The following AGBL4 variants were observed in gnomAD, a reference collection of about 807,000 sequenced individuals.
The protein encoded by AGBL4 is AGBL carboxypeptidase 4, also known as cytosolic carboxypeptidase 6.
Under a neutral mutation model 66.4 loss-of-function variants are expected in AGBL4, and 58 were observed. The ratio of observed to expected loss-of-function variants is 0.87; its 90% CI spans 0.71 to 1.09. The LOEUF (loss-of-function observed/expected upper bound fraction) is 1.09. AGBL4 is among the 50% of genes least tolerant of loss of function. The pLI is 0.00. For synonymous variants in AGBL4, 234 were observed against 222.9 expected, an observed-to-expected ratio of 1.05 and a Z score of -0.44; for missense variants, 579 against 631.0, an observed-to-expected ratio of 0.92 and a Z score of 0.88.
chr1:50,018,034 A>G (rs1257399678), intron 1 of AGBL4, among the ~76,000 whole-genome samples: 1 of 152,200 alleles, frequency 6.6e-6, no homozygotes, highest in East Asian at 1.9e-4. Context: ...AACTGTAATT[A>G]TTGGCAGGTT....
At chr1:48,791,535 A>C (rs1182960464) in intron 6 of AGBL4, among the ~76,000 whole-genome samples, 1 of 152,254 alleles carries the variant, frequency 6.6e-6, no homozygotes, top group African/African-American at 2.4e-5. Flanking sequence ...TAGCTGAGGT[A>C]GTCTGAACTT....
Position 49,045,574 on chromosome 1 carries a change from C to A in AGBL4, c.594+10G>T. 4 of 1,601,726 alleles carry A rather than the reference C, an allele frequency of 2.5e-6. No individual in the cohort carries two copies. In the Admixed American group the frequency reaches 5.1e-5, roughly 20 times the overall value. On this transcript the variant is annotated intron_variant, in intron 5 of 13. Coordinates refer to ENST00000371839, the MANE Select transcript of AGBL4 (RefSeq NM_032785.4). ...CCAAATGAGTAACCCAAACCTGGCA[C>A]AGGCCTTACCACACTCTGGCCCAGC...
chr1:48,809,640 A>G (rs1646005743), intron 6 of AGBL4, among the ~76,000 whole-genome samples: 1 of 152,264 alleles, frequency 6.6e-6, no homozygotes, highest in South Asian at 2.1e-4. Flanking sequence ...AGCAAACCAC[A>G]TGTGATTATT....
intron 1 of AGBL4, among the ~76,000 whole-genome samples, chr1:50,019,944 GA>G (rs1265715847): frequency 6.6e-6 from 1 of 151,934 alleles, no homozygotes; most frequent in Non-Finnish European, 1.5e-5. Context: ...AGATTTAAAA[GA>G]AGAAACTTCC....
intron 4 of AGBL4, among the ~76,000 whole-genome samples, chr1:49,079,095 C>A (rs1333850265): frequency 1.3e-5 from 2 of 152,116 alleles, no homozygotes; most frequent in East Asian, 3.9e-4. Flanking sequence ...TTAACTAAAT[C>A]CTGTTTCTTT....
chr1:49,229,245 T>C (rs1365110225), intron 4 of AGBL4, among the ~76,000 whole-genome samples: 1 of 152,224 alleles, frequency 6.6e-6, no homozygotes, highest in Non-Finnish European at 1.5e-5. Flanking sequence ...GTATTATAAA[T>C]AGATTCCTTT....
chr1:48,697,431 T>C (rs1375806916), intron 6 of AGBL4, among the ~76,000 whole-genome samples: 1 of 152,170 alleles, frequency 6.6e-6, no homozygotes, highest in Non-Finnish European at 1.5e-5. Context: ...TAGATAACAA[T>C]TCTGAAGGGC....
chr1:48,825,201 G>T (rs1244593420), intron 6 of AGBL4, among the ~76,000 whole-genome samples: 2 of 152,086 alleles, frequency 1.3e-5, no homozygotes, highest in African/African-American at 4.8e-5. Flanking sequence ...TCCTATTTTG[G>T]GAATTGCTGC....
At chr1:49,255,262 A>G (rs554947401) in intron 3 of AGBL4, among the ~76,000 whole-genome samples, 1 of 152,158 alleles carries the variant, frequency 6.6e-6, no homozygotes, top group African/African-American at 2.4e-5. Context: ...TTTGCAAACT[A>G]TCAGTCTGGA....
At chr1:49,955,626 T>C (rs1214533558) in intron 1 of AGBL4, among the ~76,000 whole-genome samples, 1 of 151,916 alleles carries the variant, frequency 6.6e-6, no homozygotes, top group Non-Finnish European at 1.5e-5. Flanking sequence ...GAAACTCAAT[T>C]AGAAATAAGT....
intron 4 of AGBL4, among the ~76,000 whole-genome samples, chr1:49,055,767 C>A (rs78535015): frequency 0.045 from 6,841 of 151,874 alleles, 211 homozygotes; most frequent in East Asian, 0.11. Flanking sequence ...TACATGAATG[C>A]CTATTAATCT....
At chr1:48,674,283 A>G (rs191999007) in intron 6 of AGBL4, among the ~76,000 whole-genome samples, 63 of 152,314 alleles carry the variant, frequency 4.1e-4, no homozygotes, top group African/African-American at 1.4e-3. Flanking sequence ...TCAATAAAAT[A>G]CAGCTATCGG....
At chr1:48,800,790 G>A (rs567946755) in intron 6 of AGBL4, among the ~76,000 whole-genome samples, 2 of 152,332 alleles carry the variant, frequency 1.3e-5, no homozygotes, top group African/African-American at 4.8e-5. Flanking sequence ...TGTGGTAGCA[G>A]AAGGGGGACG....
rs185027040 is a variant in AGBL4 at position 49,432,632 on chromosome 1, T to C, written c.283-186768A>G. On this transcript the variant is annotated intron_variant, in intron 3 of 13. Transcript: ENST00000371839. ...ATACATCTATTTTACATGGTTTTACTTTTTATATTATATAAATCTCTCCAT... is the reference window on the plus strand; with the variant it reads ...ATACATCTATTTTACATGGTTTTACCTTTTATATTATATAAATCTCTCCAT... Among the ~76,000 whole-genome samples, 33 of 152,046 alleles carry C rather than the reference T, an allele frequency of 2.2e-4. No homozygotes were observed. In the East Asian group the frequency reaches 6.0e-3, roughly 28 times the overall value.
At chr1:49,333,247 A>C (rs1398328862) in intron 3 of AGBL4, among the ~76,000 whole-genome samples, 2 of 152,208 alleles carry the variant, frequency 1.3e-5, no homozygotes, top group African/African-American at 4.8e-5. Flanking sequence ...TGGGAGGCCA[A>C]GGCGGGTGGA....
chr1:49,077,381 T>C (rs1323972771), intron 4 of AGBL4, among the ~76,000 whole-genome samples: 2 of 152,194 alleles, frequency 1.3e-5, no homozygotes, highest in Non-Finnish European at 2.9e-5. Flanking sequence ...CAATGCGTTC[T>C]GTGAGAGTTT....
intron 6 of AGBL4, among the ~76,000 whole-genome samples, chr1:48,854,705 CAT>C (rs1277144965): frequency 6.6e-6 from 1 of 152,124 alleles, no homozygotes; most frequent in Non-Finnish European, 1.5e-5. Flanking sequence ...CTTTCCTGGA[CAT>C]ATATACTTGT....
chr1:49,547,695 G>A (rs949655026), intron 3 of AGBL4, among the ~76,000 whole-genome samples: 3 of 151,946 alleles, frequency 2.0e-5, no homozygotes, highest in Non-Finnish European at 4.4e-5. Context: ...GTTTTCCTTG[G>A]AGAGGTTTTT....
At chr1:49,551,561 T>C (rs1430914088) in intron 3 of AGBL4, among the ~76,000 whole-genome samples, 1 of 152,188 alleles carries the variant, frequency 6.6e-6, no homozygotes, top group Non-Finnish European at 1.5e-5. Context: ...GTGATTGTTG[T>C]TTCTCTTCTG....
Sources: allele counts gnomAD v4.1 joint callset (sites outside exome capture counted in the v4.1 genomes callset), GRCh38; gene constraint gnomAD v4.1.1; transcripts MANE v1.5; gene names NCBI Gene and HGNC (gene_info 2026-07-23, HGNC 2026-07-21).